RSPH6A: variants seen among roughly 807,000 people sequenced by gnomAD.
RSPH6A encodes the protein radial spoke head 6 homolog A, also known as radial spoke head protein 6 homolog A.
A neutral mutation model predicts 66.1 loss-of-function variants in RSPH6A; 49 were observed. The ratio of observed to expected loss-of-function variants is 0.74; its 90% CI spans 0.59 to 0.94. The LOEUF (loss-of-function observed/expected upper bound fraction) is 0.94, where lower values mean the gene tolerates loss of function less well. Among genes scored for constraint, RSPH6A ranks in the 40% least tolerant of loss-of-function variants. The probability of loss-of-function intolerance (pLI) is 0.00; values close to 1 mark genes in which losing one functional copy is unlikely to be tolerated. For synonymous variants in RSPH6A, 419 were observed against 402.4 expected (o/e 1.04, Z -0.49); for missense variants, 977 against 948.3 (o/e 1.03, Z -0.40).
At chr19:45,814,162 G>GA (rs1438808542) in intron 1 of RSPH6A, among the ~76,000 whole-genome samples, 10 of 150,488 alleles carry the variant, frequency 6.6e-5, no homozygotes, top group Non-Finnish European at 1.2e-4. Context: ...ATGTCTGGGG[G>GA]AAAAAAAAAG....
rs760872135 is a variant in RSPH6A, at chr19:45,804,308, C to T, written c.1597G>A (p.Glu533Lys). 1.9e-6 allele frequency: 3 copies of T among 1,614,006 alleles called. No homozygotes were observed. The East Asian group carries it at 6.7e-5, about 36-fold the overall frequency. Residue 533 changes from glutamate (E) to lysine (K), a missense_variant, in exon 3 of 6, where the codon GAG becomes AAG. By Grantham distance (56) the Glu-to-Lys change is moderately conservative (BLOSUM62 1). Coordinates refer to ENST00000221538, the MANE Select transcript of RSPH6A (RefSeq NM_030785.4). The surrounding 1 kb of genome is among the most constrained non-coding windows in gnomAD (Gnocchi z 5.8). ...NPDFEGIPVL[E>K]LVDSMANWVH... is the part of the protein sequence containing the mutation. ...CAGTTGGCCATGGAGTCGACCAGCT[C>T]CAGCACGGGGATGCCCTCGAAGTCC...
rs748324816 is a variant in RSPH6A at position 45,804,510 on chromosome 19, C to A, written c.1395G>T (p.Thr465=). Residue 465 remains threonine, a synonymous_variant, in exon 3 of 6, where the codon ACG becomes ACT. Coordinates refer to ENST00000221538, the MANE Select transcript of RSPH6A (RefSeq NM_030785.4). The surrounding 1 kb of genome is among the most constrained non-coding windows in gnomAD (Gnocchi z 5.8). ...GGAAGGGTGGGTAGCTGACGACTGG[C>A]GTGTCCAGGTAGCCTGTGAAGAACT... is the stretch of plus-strand genomic sequence containing the variant. ...IKKFFTGYLD[T]PVVSYPPFPG... is the part of the protein sequence containing the mutation. 5 of 1,614,192 alleles carry A rather than the reference C, an allele frequency of 3.1e-6. No individual in the cohort carries two copies. Among genetic ancestry groups the A allele is most frequent in the Non-Finnish European group, 4.2e-6 (5 of 1,180,024 alleles).
intron 1 of RSPH6A, among the ~76,000 whole-genome samples, chr19:45,812,981 CAAGGCCTTAT>C (rs910005735): frequency 7.9e-5 from 12 of 152,094 alleles, no homozygotes; most frequent in African/African-American, 2.9e-4. Flanking sequence ...CAGGCATGAG[CAAGGCCTTAT>C]ATGTCTCAGG....
chr19:45,801,197 G>A (rs1970469999), intron 4 of RSPH6A, among the ~76,000 whole-genome samples: 1 of 152,198 alleles, frequency 6.6e-6, no homozygotes, highest in African/African-American at 2.4e-5. Context: ...GGCCTTTGTT[G>A]CAGGGTGGCA....
chr19:45,796,973 G>T (rs958878657), intron 5 of RSPH6A, among the ~76,000 whole-genome samples: 6 of 152,168 alleles, frequency 3.9e-5, no homozygotes, highest in South Asian at 2.1e-4. Flanking sequence ...GGAGGCTGAG[G>T]GGGGAGGATT....
chr19:45,797,617 C>CTG (rs1970422201), intron 5 of RSPH6A, among the ~76,000 whole-genome samples: 1 of 151,918 alleles, frequency 6.6e-6, no homozygotes, highest in East Asian at 1.9e-4. Flanking sequence ...TGGTTCAGGC[C>CTG]TGTAATCCCA....
chr19:45,813,807 T>C (rs10405391), intron 1 of RSPH6A, among the ~76,000 whole-genome samples: 130,411 of 152,134 alleles, frequency 0.86, 55,983 homozygotes, highest in East Asian at 0.9. Flanking sequence ...TTTGTGACTG[T>C]AGCTAAGTGG....
Position 45,815,271 on chromosome 19 carries a change from G to A in RSPH6A, c.-95C>T, listed in dbSNP as rs1275498045. The A allele has an allele frequency of 4.5e-6, 6 of 1,338,376 alleles. No individual in the cohort carries two copies. Among genetic ancestry groups the A allele is most frequent in the Non-Finnish European group, 6.0e-6 (6 of 1,006,738 alleles). The allele number at this position is 1,338,376 out of a possible 1,614,324, so 82.9% of individuals were successfully genotyped here. A position where few individuals can be genotyped will look rare whatever the true frequency, so the allele number is the denominator to read the frequency against. ...TCGACACCGCCGGTTTCTGAGCACC[G>A]AGAGAGGGGGCCGTTACCCGTGGAG... On this transcript the variant is annotated 5_prime_UTR_variant, in exon 1 of 6. Transcript: ENST00000221538.
Position 45,804,498 on chromosome 19 carries a change from G to T in RSPH6A, c.1407C>A (p.Ser469Arg). 6.2e-7 allele frequency: 1 copy of T among 1,614,220 alleles called. No individual in the cohort carries two copies. Among genetic ancestry groups the T allele is most frequent in the Non-Finnish European group, 8.5e-7 (1 of 1,180,028 alleles). ...FTGYLDTPVVSYPPFPGNEAN... is the reference protein window; with the variant it reads ...FTGYLDTPVVRYPPFPGNEAN... ...CCTCGTTGCCCGGGAAGGGTGGGTA[G>T]CTGACGACTGGCGTGTCCAGGTAGC... The change falls in exon 3 of 6, where the codon AGC becomes AGA. Residue 469 changes from serine (S) to arginine (R), a missense_variant. Ser to Arg is a moderately radical substitution (Grantham distance 110). Coordinates refer to ENST00000221538, the MANE Select transcript of RSPH6A (RefSeq NM_030785.4). The surrounding 1 kb of genome is among the most constrained non-coding windows in gnomAD (Gnocchi z 5.8).
chr19:45,807,017 C>T (rs983065711), intron 2 of RSPH6A, among the ~76,000 whole-genome samples: 2 of 151,414 alleles, frequency 1.3e-5, no homozygotes, highest in Non-Finnish European at 2.9e-5. Context: ...CCTCAGCCTC[C>T]CCAGTAGCTG....
chr19:45,815,264 G>C lies in RSPH6A; in HGVS notation c.-88C>G. On this transcript the variant is annotated 5_prime_UTR_variant, in exon 1 of 6. Transcript: ENST00000221538. ...CCACCTGTCGACACCGCCGGTTTCT[G>C]AGCACCGAGAGAGGGGGCCGTTACC... 1 of 1,368,034 alleles carries C rather than the reference G, an allele frequency of 7.3e-7. No homozygotes were observed. Among genetic ancestry groups the C allele is most frequent in the Non-Finnish European group, 9.7e-7 (1 of 1,032,998 alleles). 84.7% of individuals were successfully genotyped at this position (1,368,034 alleles called of 1,614,324 possible).
In RSPH6A at chr19:45,804,898, T is replaced by A; in HGVS notation, c.1007A>T (p.Gln336Leu). 1 of 1,614,222 alleles carries A rather than the reference T, an allele frequency of 6.2e-7. No individual in the cohort carries two copies. The highest frequency in any genetic ancestry group is 8.5e-7 in the Non-Finnish European group (1 of 1,180,040). ...IFLAMKQLVE[Q>L]QPIHTCRFWG... ...GAAGCGACAGGTGTGGATGGGCTGC[T>A]GCTCCACCAGCTGTTTCATGGCCAG... The change falls in exon 3 of 6, where the codon CAG (glutamine) becomes CTG (leucine). Residue 336 changes from glutamine (Q) to leucine (L), a missense_variant. Coordinates refer to ENST00000221538, the MANE Select transcript of RSPH6A (RefSeq NM_030785.4). The surrounding 1 kb of genome is among the most constrained non-coding windows in gnomAD (Gnocchi z 5.8).
chr19:45,813,979 T>C (rs182265730), intron 1 of RSPH6A, among the ~76,000 whole-genome samples: 1 of 152,044 alleles, frequency 6.6e-6, no homozygotes, highest in East Asian at 1.9e-4. Context: ...GGCAACATGG[T>C]GAAATCTTGC....
In RSPH6A at chr19:45,814,994, G is replaced by A. The variant is rs747061770; in HGVS notation, c.183C>T (p.Gly61=). 2 of 1,613,926 alleles carry A rather than the reference G, an allele frequency of 1.2e-6. No individual in the cohort carries two copies. The highest frequency in any genetic ancestry group is 2.2e-5 in the East Asian group (1 of 44,884). The change falls in exon 1 of 6, where the codon GGC becomes GGT. Residue 61 remains glycine (G), a synonymous_variant. Transcript: ENST00000221538. ...GCAAGTTCTCCTGTTGGGACAGGCT[G>A]CCCCTCTGTGACCAACCAGGGGCGT... The part of the protein sequence containing the change: ...QRNAPGWSQR[G]SLSQQENLLM...
intron 3 of RSPH6A, among the ~76,000 whole-genome samples, chr19:45,803,300 A>G (rs1462243465): frequency 6.6e-6 from 1 of 151,336 alleles, no homozygotes; most frequent in Non-Finnish European, 1.5e-5. Context: ...GGATTGCTTG[A>G]GCCCTGGAGG....
intron 5 of RSPH6A, among the ~76,000 whole-genome samples, chr19:45,799,446 C>T (rs965583134): frequency 3.9e-5 from 6 of 152,192 alleles, no homozygotes; most frequent in Non-Finnish European, 7.3e-5. Context: ...ACTGCAACCT[C>T]GATCTCCTGG....
At chr19:45,797,249 A>G (rs1028024541) in intron 5 of RSPH6A, among the ~76,000 whole-genome samples, 4 of 151,626 alleles carry the variant, frequency 2.6e-5, no homozygotes, top group East Asian at 2.0e-4. Flanking sequence ...GCGTGGTGGC[A>G]GGCGCCTGTA....
chr19:45,808,558 A>T (rs1417324699), intron 2 of RSPH6A, among the ~76,000 whole-genome samples: 3 of 152,028 alleles, frequency 2.0e-5, no homozygotes, highest in Non-Finnish European at 4.4e-5. Context: ...ACACCACTGT[A>T]TTCCAGCCTG....
rs1970458418 is a variant in RSPH6A, at chr19:45,800,557, A to G, written c.1805T>C (p.Met602Thr). Residue 602 changes from methionine to threonine, a missense_variant, in exon 5 of 6, where the codon ATG becomes ACG. Physicochemically the swap from Met to Thr is moderately conservative, Grantham distance 81. Coordinates refer to ENST00000221538, the MANE Select transcript of RSPH6A (RefSeq NM_030785.4). ...LTPLSEDAEIMHLAPWTTRLS... is the reference protein window; with the variant it reads ...LTPLSEDAEITHLAPWTTRLS... Reference sequence around the variant, plus strand: ...GCGGGTGGTCCAGGGTGCCAGGTGCATGATTTCTGTGGTGGAGAGGCAGCA... The same window carrying G: ...GCGGGTGGTCCAGGGTGCCAGGTGCGTGATTTCTGTGGTGGAGAGGCAGCA... The G allele has an allele frequency of 6.2e-7, 1 of 1,611,238 alleles. No individual in the cohort carries two copies. Among genetic ancestry groups the G allele is most frequent in the East Asian group, 2.2e-5 (1 of 44,696 alleles).
Sources: allele counts gnomAD v4.1 joint callset (sites outside exome capture counted in the v4.1 genomes callset), GRCh38; gene constraint gnomAD v4.1.1; non-coding constraint Gnocchi (gnomAD v3.1); transcripts MANE v1.5; gene names NCBI Gene and HGNC (gene_info 2026-07-23, HGNC 2026-07-21).